The following SHPRH variants were observed in gnomAD, a reference collection of about 807,000 sequenced individuals.
The protein encoded by SHPRH is E3 ubiquitin-protein ligase SHPRH.
SHPRH carries 106 observed loss-of-function variants against 202.5 expected under a neutral mutation model. The observed-to-expected ratio is 0.52, with a 90% CI of 0.45 to 0.62. SHPRH has a LOEUF of 0.62. SHPRH is among the 20% of genes least tolerant of loss of function. The pLI, the probability that SHPRH is intolerant of heterozygous loss-of-function variation, is 0.00. For missense variants in SHPRH, 1,710 were observed against 2,020.0 expected, an observed-to-expected ratio of 0.85 and a Z score of 2.94; for synonymous variants, 729 against 686.0, an observed-to-expected ratio of 1.06 and a Z score of -0.98.
chr6:145,899,351 A>C (rs1183998267), intron 25 of SHPRH, among the ~76,000 whole-genome samples: 1 of 152,128 alleles, frequency 6.6e-6, no homozygotes, highest in Non-Finnish European at 1.5e-5. Flanking sequence ...AGACATACAG[A>C]CCAATGGAAC....
At chr6:145,905,689 A>T (rs1167335030) in intron 25 of SHPRH, 1 of 151,948 alleles carries the variant, frequency 6.6e-6, no homozygotes, top group Non-Finnish European at 1.5e-5. Flanking sequence ...ACTTCATGGA[A>T]TTTTTCTTTT....
chr6:145,938,033 A>T (rs1267191754), intron 11 of SHPRH, among the ~76,000 whole-genome samples: 1 of 152,344 alleles, frequency 6.6e-6, no homozygotes, highest in South Asian at 2.1e-4. Flanking sequence ...TGTAAGCTCA[A>T]TAGATAAGGG....
intron 2 of SHPRH, among the ~76,000 whole-genome samples, chr6:145,867,086 A>AACT (rs1384910976): frequency 1.3e-5 from 2 of 152,196 alleles, no homozygotes; most frequent in Non-Finnish European, 2.9e-5. Flanking sequence ...ATGGGAAGTT[A>AACT]AAGCTCAAAT....
intron 11 of SHPRH, among the ~76,000 whole-genome samples, chr6:145,936,820 A>G (rs1409431973): frequency 6.6e-6 from 1 of 152,112 alleles, no homozygotes; most frequent in Non-Finnish European, 1.5e-5. Flanking sequence ...ATCTGAAAGA[A>G]CCAATGCATC....
Position 145,951,761 on chromosome 6 carries a change from T to C in SHPRH, c.763+588A>G, listed in dbSNP as rs1330711145. ...AATACTCCAGTATGACAATGTTCTATAATTTGCACCTGAAATAATGCTGAC... is the reference window on the plus strand; with the variant it reads ...AATACTCCAGTATGACAATGTTCTACAATTTGCACCTGAAATAATGCTGAC... On this transcript the variant is annotated intron_variant, in intron 3 of 29. Coordinates refer to ENST00000275233, the MANE Select transcript of SHPRH (RefSeq NM_001042683.3). 1.3e-5 allele frequency: 6 copies of C among 455,824 alleles called. No individual in the cohort carries two copies. The East Asian group carries it at 4.2e-4, about 32-fold the overall frequency. The allele number at this position is 455,824 out of a possible 1,614,324, so 28.2% of individuals were successfully genotyped here. A position where few individuals can be genotyped will look rare whatever the true frequency, so the allele number is the denominator to read the frequency against.
At chr6:145,962,164 T>C (rs962456444) in intron 1 of SHPRH, among the ~76,000 whole-genome samples, 1 of 152,208 alleles carries the variant, frequency 6.6e-6, no homozygotes, top group Non-Finnish European at 1.5e-5. Context: ...TCCATCCCAA[T>C]CTTCCCTGGA....
chr6:145,913,499 A>G lies in SHPRH; in HGVS notation c.4305T>C (p.Cys1435=). ...TTACCTGTTTTCCTAGCTGTCGAGC[A>G]CAGATTGGGCAAGGTTCTGGATTAA... The part of the protein sequence containing the change: ...GGVNPEPCPI[C]ARQLGKQWAV... Residue 1435 remains cysteine (C), a synonymous_variant, in exon 24 of 30, where the codon TGT becomes TGC. Coordinates refer to ENST00000275233, the MANE Select transcript of SHPRH (RefSeq NM_001042683.3). 1 of 1,610,702 alleles carries G rather than the reference A, an allele frequency of 6.2e-7. No individual in the cohort carries two copies. Among genetic ancestry groups the G allele is most frequent in the African/African-American group, 1.3e-5 (1 of 74,830 alleles).
intron 18 of SHPRH, 38 bp downstream of exon 18, chr6:145,923,605 A>G: frequency 6.3e-7 from 1 of 1,590,314 alleles, no homozygotes; most frequent in Non-Finnish European, 8.5e-7. Flanking sequence ...TTTGCTTTTA[A>G]AATTATGAGT....
intron 8 of SHPRH, 86 bp from the exon 9 acceptor site, chr6:145,943,888 A>C (rs1156451778): frequency 1.1e-5 from 14 of 1,245,628 alleles, no homozygotes; most frequent in Non-Finnish European, 1.5e-5. Context: ...ACTTCATATA[A>C]TTATGTAGCA....
In SHPRH at chr6:145,876,948, T is replaced by G. The variant is rs1383174613; in HGVS notation, c.221+11072A>C. 2.0e-5 allele frequency: 3 copies of G among 152,200 alleles called. No homozygotes were observed. The East Asian group carries it at 5.8e-4, about 29-fold the overall frequency. The allele number at this position is 152,200 out of a possible 1,614,324, so 9.4% of individuals were successfully genotyped here. A position where few individuals can be genotyped will look rare whatever the true frequency, so the allele number is the denominator to read the frequency against. On this transcript the variant is annotated intron_variant, in intron 2 of 2. Coordinates refer to the SHPRH transcript ENST00000417762. Reference sequence around the variant, plus strand: ...GAGAGATCTTAGAAGAAAACAGACCTGCCAGCACTGTAATCTTCAACTGCC... The same window carrying G: ...GAGAGATCTTAGAAGAAAACAGACCGGCCAGCACTGTAATCTTCAACTGCC...
intron 9 of SHPRH, among the ~76,000 whole-genome samples, 161 bp from the exon 10 acceptor site, chr6:145,942,035 T>C (rs1486072760): frequency 6.6e-6 from 1 of 152,176 alleles, no homozygotes; most frequent in Non-Finnish European, 1.5e-5. Context: ...TGTTTTAGTG[T>C]GGAAGATGAA....
intron 25 of SHPRH, chr6:145,908,629 C>T (rs1783191863): frequency 1.3e-5 from 2 of 151,842 alleles, no homozygotes; most frequent in African/African-American, 2.4e-5. Flanking sequence ...TAAATATGTT[C>T]ACATTCCTTG....
At chr6:145,905,089 C>T (rs1043265441) in intron 25 of SHPRH, 7 of 152,092 alleles carry the variant, frequency 4.6e-5, no homozygotes, top group African/African-American at 1.2e-4. Flanking sequence ...AACCTCTCTG[C>T]GCAAAACCTG....
At chr6:145,912,755 C>G (rs1783605051) in intron 24 of SHPRH, among the ~76,000 whole-genome samples, 1 of 152,044 alleles carries the variant, frequency 6.6e-6, no homozygotes, top group Non-Finnish European at 1.5e-5. Flanking sequence ...TACCTTTCAA[C>G]TCTCAGTTCC....
chr6:145,929,895 A>G (rs1005865895), intron 14 of SHPRH, among the ~76,000 whole-genome samples: 4 of 152,122 alleles, frequency 2.6e-5, no homozygotes, highest in African/African-American at 9.6e-5. Flanking sequence ...ACCATAACCA[A>G]TAACATCATT....
chr6:145,913,988 T>C (rs1014541654), intron 23 of SHPRH, among the ~76,000 whole-genome samples: 3 of 152,194 alleles, frequency 2.0e-5, no homozygotes, highest in Non-Finnish European at 2.9e-5. Flanking sequence ...CAATAATGTA[T>C]GTATATATTT....
intron 3 of SHPRH, among the ~76,000 whole-genome samples, chr6:145,950,885 T>C (rs1339348977): frequency 2.0e-5 from 3 of 152,084 alleles, no homozygotes; most frequent in African/African-American, 7.2e-5. Context: ...TTGTCTATTG[T>C]GGATGTTTTA....
At position 145,886,556 on chromosome 6, in the gene SHPRH, C is replaced by T; in HGVS notation, c.*135G>A. 1.4e-6 allele frequency: 2 copies of T among 1,469,520 alleles called. No individual in the cohort carries two copies. The highest frequency in any genetic ancestry group is 3.7e-4 in the Middle Eastern group (2 of 5,344). The allele number at this position is 1,469,520 out of a possible 1,614,324, so 91.0% of individuals were successfully genotyped here. On this transcript the variant is annotated 3_prime_UTR_variant, in exon 30 of 30. Coordinates refer to ENST00000275233, the MANE Select transcript of SHPRH (RefSeq NM_001042683.3). ...AATAAGTACTAAGCCACTGTATAAC[C>T]AGAACAATAAACAAATTCATTCAAC...
chr6:145,886,873 A>AT, intron 29 of SHPRH, 86 bp from the exon 30 acceptor site: 1 of 1,391,106 alleles, frequency 7.2e-7, no homozygotes, highest in South Asian at 1.6e-5. Flanking sequence ...CTAGACACAT[A>AT]TTTTTTCTTA....
Sources: gnomAD v4.1 joint callset for allele counts (sites outside exome capture counted in the v4.1 genomes callset) on GRCh38, gnomAD v4.1.1 for gene constraint, MANE v1.5 for transcripts, NCBI Gene and HGNC (gene_info 2026-07-23, HGNC 2026-07-21) for gene names.